Variants in GAB2 observed in about 807,000 individuals in gnomAD.
GAB2 encodes GRB2 associated binding protein 2, also known as GRB2-associated-binding protein 2.
Under a neutral mutation model 65.5 loss-of-function variants are expected in GAB2, and 26 were observed. That is an observed-to-expected ratio of 0.40 (90% CI 0.29 to 0.55). The LOEUF (loss-of-function observed/expected upper bound fraction) is 0.55. GAB2 is among the 20% of genes least tolerant of loss of function. GAB2 has a pLI of 0.53. For missense variants in GAB2, 884 were observed against 875.8 expected (o/e 1.01, Z -0.12); for synonymous variants, 321 against 329.6 (o/e 0.97, Z 0.28).
intron 1 of GAB2, among the ~76,000 whole-genome samples, chr11:78,290,444 TG>T (rs1313500225): frequency 6.6e-6 from 1 of 152,216 alleles, no homozygotes; most frequent in African/African-American, 2.4e-5. Flanking sequence ...CACTCCTAGC[TG>T]TTGAACAGAC....
intron 1 of GAB2, among the ~76,000 whole-genome samples, chr11:78,404,206 A>G (rs1248912310): frequency 1.3e-5 from 2 of 152,218 alleles, no homozygotes; most frequent in Admixed American, 6.5e-5. Flanking sequence ...GTGTCCATCA[A>G]TCGATGAATG....
intron 1 of GAB2, among the ~76,000 whole-genome samples, chr11:78,287,129 G>A (rs1866505569): frequency 6.6e-6 from 1 of 152,164 alleles, no homozygotes; most frequent in Non-Finnish European, 1.5e-5. Flanking sequence ...AAGAAAAACT[G>A]CATGATCATA....
At chr11:78,381,496 A>AGAGCTGTC (rs1355226289) in intron 1 of GAB2, among the ~76,000 whole-genome samples, 1 of 152,166 alleles carries the variant, frequency 6.6e-6, no homozygotes, top group African/African-American at 2.4e-5. Context: ...CTCCCAGTAC[A>AGAGCTGTC]GAGCTGTCTT....
At chr11:78,295,882 T>C (rs1336947006) in intron 1 of GAB2, among the ~76,000 whole-genome samples, 2 of 152,178 alleles carry the variant, frequency 1.3e-5, no homozygotes, top group Non-Finnish European at 2.9e-5. Context: ...GTCTGTAAAG[T>C]CAGCACAAAC....
intron 2 of GAB2, among the ~76,000 whole-genome samples, chr11:78,267,932 G>T (rs1324946201): frequency 6.8e-6 from 1 of 146,370 alleles, no homozygotes; most frequent in Non-Finnish European, 1.5e-5. Flanking sequence ...TTAGTTTTAT[G>T]AACATGGATT....
chr11:78,235,571 G>T (rs936549874), intron 3 of GAB2, among the ~76,000 whole-genome samples: 1 of 152,156 alleles, frequency 6.6e-6, no homozygotes, highest in Non-Finnish European at 1.5e-5. Context: ...ATGCTTTGCT[G>T]CTTAGAAATT....
At chr11:78,250,092 G>C in intron 3 of GAB2, 65 bp downstream of exon 3, 1 of 1,523,518 alleles carries the variant, frequency 6.6e-7, no homozygotes, top group Non-Finnish European at 9.1e-7. Flanking sequence ...AAAAAGCAAG[G>C]ACTGAAAAGT....
At chr11:78,343,299 A>C (rs1218866230) in intron 1 of GAB2, among the ~76,000 whole-genome samples, 1 of 151,434 alleles carries the variant, frequency 6.6e-6, no homozygotes, top group Non-Finnish European at 1.5e-5. Context: ...CCGTTGATAG[A>C]CTGAAAATTC....
At chr11:78,296,141 A>G (rs1866817486) in intron 1 of GAB2, among the ~76,000 whole-genome samples, 1 of 152,150 alleles carries the variant, frequency 6.6e-6, no homozygotes, top group South Asian at 2.1e-4. Flanking sequence ...CGCTGATCTG[A>G]TGGGAGGTGG....
chr11:78,246,360 T>A (rs942121148), intron 3 of GAB2, among the ~76,000 whole-genome samples: 1 of 152,232 alleles, frequency 6.6e-6, no homozygotes, highest in East Asian at 1.9e-4. Context: ...GGTTTGTACC[T>A]GTGACTTCCA....
At chr11:78,294,023 C>T (rs1215481815) in intron 1 of GAB2, among the ~76,000 whole-genome samples, 3 of 152,056 alleles carry the variant, frequency 2.0e-5, no homozygotes, top group African/African-American at 7.2e-5. Context: ...CCCAGTAACT[C>T]CTCATTTAGC....
At chr11:78,306,066 A>G (rs764876970) in intron 1 of GAB2, among the ~76,000 whole-genome samples, 2 of 152,116 alleles carry the variant, frequency 1.3e-5, no homozygotes, top group Non-Finnish European at 2.9e-5. Flanking sequence ...ATCTATACCC[A>G]TTTACCAAGC....
intron 1 of GAB2, among the ~76,000 whole-genome samples, chr11:78,401,925 G>A (rs1856978566): frequency 6.6e-6 from 1 of 152,092 alleles, no homozygotes; most frequent in Admixed American, 6.6e-5. Context: ...CTACTAAAAT[G>A]AATTTCCATC....
At chr11:78,370,621 G>A (rs889115972) in intron 1 of GAB2, among the ~76,000 whole-genome samples, 9 of 152,092 alleles carry the variant, frequency 5.9e-5, no homozygotes, top group African/African-American at 1.7e-4. Flanking sequence ...CAACAAACCC[G>A]CTACGGCTTA....
rs796161663 is a variant in GAB2, at chr11:78,291,555, C to CTTTTTTTTTTTTTTTTTTTTTTTTTTTT, written c.76-10655_76-10654insAAAAAAAAAAAAAAAAAAAAAAAAAAAA. On this transcript the variant is annotated intron_variant, in intron 1 of 9. Coordinates refer to ENST00000361507, the MANE Select transcript of GAB2 (RefSeq NM_080491.3). ...CCTATCTTGAGAGACTTACTTTTTT[C>CTTTTTTTTTTTTTTTTTTTTTTTTTTTT]TTTTTCTTTTTTTTTTTTTTTTTTT... is the stretch of plus-strand genomic sequence containing the variant. 1.5e-4 allele frequency among the ~76,000 whole-genome samples: 8 copies of CTTTTTTTTTTTTTTTTTTTTTTTTTTTT among 55,046 alleles called. 3 individuals are homozygous for CTTTTTTTTTTTTTTTTTTTTTTTTTTTT. Among genetic ancestry groups the CTTTTTTTTTTTTTTTTTTTTTTTTTTTT allele is most frequent in the African/African-American group, 3.2e-4 (5 of 15,662 alleles). 36.1% of individuals were successfully genotyped at this position (55,046 alleles called of 152,430 possible). A position where few individuals can be genotyped will look rare whatever the true frequency, so the allele number is the denominator to read the frequency against.
At chr11:78,406,043 C>T (rs1042712115) in intron 1 of GAB2, among the ~76,000 whole-genome samples, 1 of 152,192 alleles carries the variant, frequency 6.6e-6, no homozygotes, top group Non-Finnish European at 1.5e-5. Context: ...GTCATGAGGC[C>T]AGGTGACACC....
chr11:78,260,878 C>A (rs1430303943), intron 2 of GAB2, among the ~76,000 whole-genome samples: 2 of 152,176 alleles, frequency 1.3e-5, no homozygotes. Flanking sequence ...AATCCAGGAT[C>A]CAGACCATAT....
intron 1 of GAB2, among the ~76,000 whole-genome samples, chr11:78,315,893 G>A (rs891086384): frequency 6.6e-6 from 1 of 152,152 alleles, no homozygotes; most frequent in Non-Finnish European, 1.5e-5. Flanking sequence ...GTTGACATTT[G>A]AGTCAGTGTA....
chr11:78,380,701 G>A (rs916967182), intron 1 of GAB2, among the ~76,000 whole-genome samples: 4 of 151,960 alleles, frequency 2.6e-5, no homozygotes, highest in African/African-American at 7.3e-5. Context: ...TAAATTATTC[G>A]GAGCCTTGGG....
Sources: gnomAD v4.1 joint callset for allele counts (sites outside exome capture counted in the v4.1 genomes callset) on GRCh38, gnomAD v4.1.1 for gene constraint, MANE v1.5 for transcripts, NCBI Gene and HGNC (gene_info 2026-07-23, HGNC 2026-07-21) for gene names.